The following MLLT10 variants were observed in gnomAD, a reference collection of about 807,000 sequenced individuals.
MLLT10 encodes protein AF-10.
In MLLT10, 30 loss-of-function variants were observed where a neutral mutation model predicts 129.1. The observed-to-expected ratio is 0.23, with a 90% CI of 0.17 to 0.32. The LOEUF (loss-of-function observed/expected upper bound fraction) is 0.32, where lower values mean the gene tolerates loss of function less well. MLLT10 is among the 10% of genes least tolerant of loss of function. MLLT10 has a pLI of 1.00. For missense variants in MLLT10, 1,119 were observed against 1,268.3 expected, an observed-to-expected ratio of 0.88 and a Z score of 1.79; for synonymous variants, 490 against 446.4, an observed-to-expected ratio of 1.10 and a Z score of -1.23.
rs1474192887 is a variant in MLLT10, at chr10:21,534,786, A to G, written c.142A>G (p.Ser48Gly). Residue 48 changes from serine (S) to glycine (G), a missense_variant, in exon 2 of 23, where the codon AGC becomes GGC. By Grantham distance (56) the Ser-to-Gly change is moderately conservative. Coordinates refer to ENST00000307729, the MANE Select transcript of MLLT10 (RefSeq NM_001195626.3). ...PLVYCDGHGC[S>G]VAVHQACYGI... ...GGTTTATTGCGACGGGCACGGCTGC[A>G]GCGTCGCGGTGCATCAAGGTAAACA... is the stretch of plus-strand genomic sequence containing the variant. 1 of 1,609,814 alleles carries G rather than the reference A, an allele frequency of 6.2e-7. No individual in the cohort carries two copies. Among genetic ancestry groups the G allele is most frequent in the Admixed American group, 1.7e-5 (1 of 59,630 alleles).
intron 14 of MLLT10, among the ~76,000 whole-genome samples, chr10:21,722,579 T>C (rs2057209007): frequency 6.6e-6 from 1 of 152,210 alleles, no homozygotes; most frequent in Non-Finnish European, 1.5e-5. Context: ...CCCTGAATCT[T>C]AATGCTTTTG....
chr10:21,604,627 C>G (rs2043878374), intron 5 of MLLT10, among the ~76,000 whole-genome samples: 1 of 152,126 alleles, frequency 6.6e-6, no homozygotes, highest in South Asian at 2.1e-4. Context: ...AGCTGTGATA[C>G]ATAGAAAACA....
At chr10:21,740,822 C>T (rs1337636273) in intron 22 of MLLT10, among the ~76,000 whole-genome samples, 2 of 152,098 alleles carry the variant, frequency 1.3e-5, no homozygotes. Context: ...ACAGTAGAAC[C>T]CATTTTAAGG....
Position 21,673,503 on chromosome 10 carries a change from G to T in MLLT10, c.1205G>T (p.Gly402Val). ...QSSATKDVHK[G>V]ESGSQEGGVN... The stretch of plus-strand genomic sequence containing the variant: ...TCAGCAACCAAAGATGTACATAAAG[G>T]AGAGTCTGGAAGCCAGGAAGGGGGG... Residue 402 changes from glycine to valine, a missense_variant, in exon 11 of 23, where the codon GGA becomes GTA. Physicochemically the swap from Gly to Val is moderately radical, Grantham distance 109. Around this residue, in one of 5 missense-constraint regions of MLLT10, gnomAD observed 1,004 missense variants for 1,008.7 expected, o/e 1.00. Coordinates refer to ENST00000307729, the MANE Select transcript of MLLT10 (RefSeq NM_001195626.3). 1 of 1,613,738 alleles carries T rather than the reference G, an allele frequency of 6.2e-7. No individual in the cohort carries two copies. The highest frequency in any genetic ancestry group is 8.5e-7 in the Non-Finnish European group (1 of 1,179,950).
intron 8 of MLLT10, among the ~76,000 whole-genome samples, chr10:21,621,976 T>C (rs2045906433): frequency 6.6e-6 from 1 of 152,180 alleles, no homozygotes; most frequent in Non-Finnish European, 1.5e-5. Context: ...CATATGGTTT[T>C]AGGAAAAATT....
In MLLT10 at chr10:21,742,114, T is replaced by C. The variant is rs953116063; in HGVS notation, c.*131T>C. 3.9e-6 allele frequency: 3 copies of C among 762,460 alleles called. No homozygotes were observed. Among genetic ancestry groups the C allele is most frequent in the Non-Finnish European group, 6.4e-6 (3 of 468,338 alleles). The allele number at this position is 762,460 out of a possible 1,614,324, so 47.2% of individuals were successfully genotyped here. A position where few individuals can be genotyped will look rare whatever the true frequency, so the allele number is the denominator to read the frequency against. ...CAATGCACAACAAAGGATTAATTGC[T>C]GCAAGGACATTCTTGTAAGGCTTTG... On this transcript the variant is annotated 3_prime_UTR_variant, in exon 23 of 23. Transcript: ENST00000307729.
chr10:21,698,272 A>G (rs973955750), intron 13 of MLLT10, among the ~76,000 whole-genome samples: 1 of 152,146 alleles, frequency 6.6e-6, no homozygotes, highest in African/African-American at 2.4e-5. Flanking sequence ...CTCTGTCTCC[A>G]TGACATCAAG....
At chr10:21,639,528 AGAT>A (rs1383881338) in intron 8 of MLLT10, among the ~76,000 whole-genome samples, 2 of 152,220 alleles carry the variant, frequency 1.3e-5, no homozygotes, top group African/African-American at 2.4e-5. Context: ...ACAGATGAAG[AGAT>A]GAATAGTGTG....
At chr10:21,609,181 G>A (rs2044355128) in intron 5 of MLLT10, among the ~76,000 whole-genome samples, 1 of 151,960 alleles carries the variant, frequency 6.6e-6, no homozygotes, top group African/African-American at 2.4e-5. Flanking sequence ...CACACCTTGG[G>A]GCCACATAAA....
chr10:21,740,279 TATTG>T (rs1564761920), intron 22 of MLLT10, 43 bp downstream of exon 22: 1 of 1,580,760 alleles, frequency 6.3e-7, no homozygotes, highest in South Asian at 1.1e-5. Context: ...ACAAGAACTG[TATTG>T]ATTAATCGGA....
At chr10:21,587,087 T>A (rs1446297520) in intron 4 of MLLT10, among the ~76,000 whole-genome samples, 1 of 151,662 alleles carries the variant, frequency 6.6e-6, no homozygotes, top group African/African-American at 2.4e-5. Context: ...AAGATCTTTG[T>A]TGCTTGAATA....
At chr10:21,538,973 C>T (rs1055873507) in intron 3 of MLLT10, 61 bp downstream of exon 3, 3 of 1,208,390 alleles carry the variant, frequency 2.5e-6, no homozygotes, top group Non-Finnish European at 3.7e-6. Flanking sequence ...TTAGGAACTG[C>T]ACTCCTGTTG....
intron 3 of MLLT10, among the ~76,000 whole-genome samples, chr10:21,563,398 C>T (rs1184875065): frequency 6.6e-6 from 1 of 151,952 alleles, no homozygotes; most frequent in Admixed American, 6.6e-5. Flanking sequence ...TGGCGGGCAC[C>T]TGTAATCTCA....
chr10:21,688,564 C>G (rs777309150), intron 13 of MLLT10: 2 of 1,597,190 alleles, frequency 1.3e-6, no homozygotes, highest in Non-Finnish European at 8.6e-7. Flanking sequence ...CAGCATGGTT[C>G]TAAACATAAT....
chr10:21,643,444 C>T (rs1021880251), intron 8 of MLLT10, among the ~76,000 whole-genome samples: 1 of 152,122 alleles, frequency 6.6e-6, no homozygotes, highest in African/African-American at 2.4e-5. Context: ...AATTCGTTAG[C>T]TGCTCACTAT....
chr10:21,727,912 G>A lies in MLLT10; in HGVS notation c.2047G>A (p.Gly683Arg), dbSNP rs1012594880. Residue 683 changes from glycine (G) to arginine (R), a missense_variant, in exon 16 of 23, where the codon GGA becomes AGA. Coordinates refer to ENST00000307729, the MANE Select transcript of MLLT10 (RefSeq NM_001195626.3). ...NLVGRGSSPR[G>R]SLSPRSPVSS... ...AGTTGGCAGAGGAAGCTCACCCCGAGGAAGTCTCTCGCCACGGTAAGCGCT... is the reference window on the plus strand; with the variant it reads ...AGTTGGCAGAGGAAGCTCACCCCGAAGAAGTCTCTCGCCACGGTAAGCGCT... 1.2e-6 allele frequency: 2 copies of A among 1,613,874 alleles called. No homozygotes were observed. Among genetic ancestry groups the A allele is most frequent in the African/African-American group, 1.3e-5 (1 of 74,894 alleles).
At chr10:21,721,377 A>C (rs1323394905) in intron 14 of MLLT10, among the ~76,000 whole-genome samples, 1 of 152,184 alleles carries the variant, frequency 6.6e-6, no homozygotes, top group Non-Finnish European at 1.5e-5. Context: ...TATTAACATT[A>C]GGCAGGAAAA....
intron 5 of MLLT10, among the ~76,000 whole-genome samples, chr10:21,600,052 T>A (rs893913349): frequency 5.3e-5 from 8 of 152,254 alleles, no homozygotes; most frequent in Admixed American, 2.0e-4. Flanking sequence ...TATTGCTGAA[T>A]AATCTATGTT....
intron 21 of MLLT10, chr10:21,738,678 T>A: frequency 3.6e-6 from 2 of 550,736 alleles, no homozygotes; most frequent in Non-Finnish European, 4.6e-6. Context: ...TTCTTCATCT[T>A]AACGTCACCT....
Sources: allele counts gnomAD v4.1 joint callset (sites outside exome capture counted in the v4.1 genomes callset), GRCh38; gene constraint gnomAD v4.1.1; regional missense constraint gnomAD v4.1.1; transcripts MANE v1.5; gene names NCBI Gene and HGNC (gene_info 2026-07-23, HGNC 2026-07-21).